The following AUTS2 variants were observed in gnomAD, a reference collection of about 807,000 sequenced individuals.
AUTS2 encodes the protein autism susceptibility gene 2 protein.
Under a neutral mutation model 112.4 loss-of-function variants are expected in AUTS2, and 17 were observed. The ratio of observed to expected loss-of-function variants is 0.15; its 90% CI spans 0.10 to 0.23. AUTS2 has a LOEUF of 0.23. Among genes scored for constraint, AUTS2 ranks in the 10% least tolerant of loss-of-function variants. The pLI is 1.00. For missense variants in AUTS2, 1,510 were observed against 1,701.6 expected (o/e 0.89, Z 1.98); for synonymous variants, 751 against 702.7 (o/e 1.07, Z -1.09).
intron 4 of AUTS2, among the ~76,000 whole-genome samples, chr7:70,296,473 A>G (rs2129612680): frequency 6.6e-6 from 1 of 152,356 alleles, no homozygotes; most frequent in East Asian, 1.9e-4. Flanking sequence ...GTAGATATCA[A>G]ATATATCAGC....
intron 2 of AUTS2, among the ~76,000 whole-genome samples, chr7:69,979,002 G>A (rs1209357438): frequency 1.3e-5 from 2 of 151,806 alleles, no homozygotes; most frequent in Admixed American, 6.6e-5. Context: ...CTCTAGCTTA[G>A]CCTTTAACTT....
intron 1 of AUTS2, among the ~76,000 whole-genome samples, chr7:69,885,527 C>T (rs1212131650): frequency 2.6e-5 from 4 of 152,168 alleles, no homozygotes; most frequent in Non-Finnish European, 5.9e-5. Context: ...TGAGACAATA[C>T]TAAACTGTAA....
chr7:70,708,218 G>A (rs1054381014), intron 6 of AUTS2, among the ~76,000 whole-genome samples: 10 of 152,106 alleles, frequency 6.6e-5, no homozygotes, highest in African/African-American at 2.4e-4. Context: ...GTTCATAGCT[G>A]GGAAAGGTTT....
At chr7:69,917,128 C>G (rs1045915370) in intron 2 of AUTS2, among the ~76,000 whole-genome samples, 3 of 152,086 alleles carry the variant, frequency 2.0e-5, no homozygotes, top group African/African-American at 7.2e-5. Flanking sequence ...GTCCTTCTGC[C>G]TCAGCCTCCC....
intron 5 of AUTS2, among the ~76,000 whole-genome samples, chr7:70,503,342 T>C (rs982348708): frequency 2.0e-5 from 3 of 151,952 alleles, no homozygotes; most frequent in Admixed American, 6.6e-5. Context: ...AGCATTAGAT[T>C]TACAAAGTCA....
chr7:70,001,656 G>A (rs1204897594), intron 2 of AUTS2, among the ~76,000 whole-genome samples: 1 of 151,866 alleles, frequency 6.6e-6, no homozygotes, highest in Non-Finnish European at 1.5e-5. Context: ...CTGCCTGTCT[G>A]CAGAGAATGG....
At chr7:70,485,041 A>G (rs548217312) in intron 5 of AUTS2, among the ~76,000 whole-genome samples, 1 of 152,370 alleles carries the variant, frequency 6.6e-6, no homozygotes, top group Admixed American at 6.5e-5. Flanking sequence ...ATGGGAATGT[A>G]AACTGGTACA....
At chr7:70,624,938 A>G (rs1804860226) in intron 5 of AUTS2, among the ~76,000 whole-genome samples, 1 of 152,112 alleles carries the variant, frequency 6.6e-6, no homozygotes, top group Non-Finnish European at 1.5e-5. Context: ...TTTGTCCAGC[A>G]GGGAGGCGAA....
At chr7:69,650,990 G>C (rs75071554) in intron 1 of AUTS2, among the ~76,000 whole-genome samples, 2,945 of 152,290 alleles carry the variant, frequency 0.019, 95 homozygotes, top group African/African-American at 0.064. Flanking sequence ...CCTTAGCTGA[G>C]GCTCTGCCTT....
intron 5 of AUTS2, among the ~76,000 whole-genome samples, chr7:70,464,838 G>T (rs1797110311): frequency 6.6e-6 from 1 of 152,144 alleles, no homozygotes; most frequent in African/African-American, 2.4e-5. Flanking sequence ...TTTCATGTCG[G>T]TTATTCTGGG....
intron 4 of AUTS2, among the ~76,000 whole-genome samples, chr7:70,336,343 T>G (rs2129620031): frequency 6.6e-6 from 1 of 152,350 alleles, no homozygotes; most frequent in Middle Eastern, 3.4e-3. Context: ...CATTTCTCTC[T>G]GTAGTTCATC....
intron 2 of AUTS2, among the ~76,000 whole-genome samples, chr7:70,110,740 A>C (rs1248557593): frequency 6.6e-6 from 1 of 152,102 alleles, no homozygotes; most frequent in African/African-American, 2.4e-5. Flanking sequence ...ATAACTTTCC[A>C]AAGTCCAAAC....
chr7:69,855,022 A>G (rs533182470), intron 1 of AUTS2, among the ~76,000 whole-genome samples: 9 of 152,350 alleles, frequency 5.9e-5, no homozygotes, highest in African/African-American at 2.2e-4. Flanking sequence ...TAGAGACTTT[A>G]TTGATGAATG....
intron 4 of AUTS2, among the ~76,000 whole-genome samples, chr7:70,230,667 A>G (rs147473846): frequency 4.1e-4 from 62 of 152,328 alleles, no homozygotes; most frequent in African/African-American, 1.4e-3. Context: ...AGCTTTGTGC[A>G]TATGCACAGC....
At chr7:70,704,427 T>C (rs1305403068) in intron 6 of AUTS2, among the ~76,000 whole-genome samples, 2 of 152,244 alleles carry the variant, frequency 1.3e-5, no homozygotes, top group Non-Finnish European at 2.9e-5. Flanking sequence ...CTGGTTACTT[T>C]TGAGCTCAGT....
intron 2 of AUTS2, among the ~76,000 whole-genome samples, chr7:69,948,115 A>G (rs1391118519): frequency 1.3e-5 from 2 of 152,226 alleles, no homozygotes; most frequent in African/African-American, 4.8e-5. Flanking sequence ...TAATTACATT[A>G]TGAGTGGCAT....
At chr7:70,022,130 A>G (rs544079050) in intron 2 of AUTS2, among the ~76,000 whole-genome samples, 15 of 149,950 alleles carry the variant, frequency 1.0e-4, no homozygotes, top group Non-Finnish European at 2.2e-4. Flanking sequence ...CATATTTTCC[A>G]GTCTGTCATA....
chr7:70,790,808 A>G lies in AUTS2; in HGVS notation c.3592A>G (p.Ser1198Gly). ...GLPSMHYPRI[S>G]PTAGNQNGLL... Reference sequence around the variant, plus strand: ...CCCCAGCATGCACTATCCCCGCATCAGCCCCACCGCGGGCAACCAGAACGG... The same window carrying G: ...CCCCAGCATGCACTATCCCCGCATCGGCCCCACCGCGGGCAACCAGAACGG... The change falls in exon 19 of 19, where the codon AGC becomes GGC. Residue 1198 changes from serine to glycine, a missense_variant. Transcript: ENST00000342771. This position sits in a 1 kb window ranked among gnomAD's most constrained non-coding sequence, Gnocchi z 7.6. 6.2e-7 allele frequency: 1 copy of G among 1,606,954 alleles called. No homozygotes were observed. Among genetic ancestry groups the G allele is most frequent in the Non-Finnish European group, 8.5e-7 (1 of 1,175,790 alleles).
At chr7:70,183,983 T>C (rs1351460015) in intron 4 of AUTS2, among the ~76,000 whole-genome samples, 1 of 152,048 alleles carries the variant, frequency 6.6e-6, no homozygotes, top group East Asian at 1.9e-4. Flanking sequence ...ATTCAGCAGA[T>C]TTATTGATGG....
Sources: allele counts gnomAD v4.1 joint callset (sites outside exome capture counted in the v4.1 genomes callset), GRCh38; gene constraint gnomAD v4.1.1; non-coding constraint Gnocchi (gnomAD v3.1); transcripts MANE v1.5; gene names NCBI Gene and HGNC (gene_info 2026-07-23, HGNC 2026-07-21).